Variants in SNTG1 observed in about 807,000 individuals in gnomAD.
SNTG1 encodes the protein gamma-1-syntrophin.
SNTG1 carries 39 observed loss-of-function variants against 74.7 expected under a neutral mutation model. The observed-to-expected ratio is 0.52, with a 90% confidence interval of 0.40 to 0.68. The LOEUF is 0.68. Among genes scored for constraint, SNTG1 ranks in the 30% least tolerant of loss-of-function variants. SNTG1 has a pLI of 0.00. For synonymous variants in SNTG1, 254 were observed against 217.1 expected (o/e 1.17, Z -1.49); for missense variants, 685 against 609.5 (o/e 1.12, Z -1.30).
intron 2 of SNTG1, among the ~76,000 whole-genome samples, chr8:50,204,289 A>G (rs1165994594): frequency 6.6e-6 from 1 of 152,122 alleles, no homozygotes; most frequent in African/African-American, 2.4e-5. Flanking sequence ...TGTATAGTAC[A>G]TATCTTTTTT....
At chr8:50,302,783 G>A (rs2089711282) in intron 2 of SNTG1, among the ~76,000 whole-genome samples, 1 of 152,062 alleles carries the variant, frequency 6.6e-6, no homozygotes, top group South Asian at 2.1e-4. Flanking sequence ...GCAGATACAA[G>A]CACTCTGCCC....
chr8:50,012,797 A>G (rs1045162468), intron 1 of SNTG1, among the ~76,000 whole-genome samples: 12 of 152,140 alleles, frequency 7.9e-5, no homozygotes, highest in African/African-American at 2.9e-4. Flanking sequence ...AAATGGGTTT[A>G]GGATGGACTA....
chr8:50,471,591 A>G (rs979952736), intron 8 of SNTG1, among the ~76,000 whole-genome samples: 18 of 152,316 alleles, frequency 1.2e-4, no homozygotes, highest in South Asian at 4.1e-4. Flanking sequence ...CTTAGCATAC[A>G]ATGCCACATG....
intron 4 of SNTG1, among the ~76,000 whole-genome samples, chr8:50,425,355 C>T (rs760045622): frequency 2.0e-4 from 31 of 151,364 alleles, no homozygotes; most frequent in Non-Finnish European, 3.7e-4. Context: ...ATCACATTCT[C>T]ATAGAAGCAC....
intron 1 of SNTG1, among the ~76,000 whole-genome samples, chr8:50,118,011 C>T (rs1586353617): frequency 6.6e-6 from 1 of 152,072 alleles, no homozygotes; most frequent in African/African-American, 2.4e-5. Flanking sequence ...AGACTGAGCA[C>T]CCTCCTGTTC....
intron 1 of SNTG1, among the ~76,000 whole-genome samples, chr8:49,940,365 G>C (rs1049838233): frequency 6.6e-6 from 1 of 152,128 alleles, no homozygotes; most frequent in African/African-American, 2.4e-5. Flanking sequence ...TTAGCTTAGC[G>C]AAAAAGTAGA....
chr8:50,078,318 G>T (rs1038704517), intron 1 of SNTG1, among the ~76,000 whole-genome samples: 2 of 151,978 alleles, frequency 1.3e-5, no homozygotes, highest in Non-Finnish European at 2.9e-5. Flanking sequence ...TGACAGTTAG[G>T]CTTTTATAGA....
chr8:50,481,586 G>A (rs2093741118), intron 8 of SNTG1, among the ~76,000 whole-genome samples: 1 of 152,082 alleles, frequency 6.6e-6, no homozygotes, highest in Admixed American at 6.5e-5. Context: ...AAACTTAACT[G>A]TTCTATGTTA....
chr8:50,142,975 G>A (rs2081724683), intron 1 of SNTG1, among the ~76,000 whole-genome samples: 1 of 152,058 alleles, frequency 6.6e-6, no homozygotes, highest in Non-Finnish European at 1.5e-5. Flanking sequence ...TCGGGAGGCT[G>A]AGACATGAGA....
Position 50,660,344 on chromosome 8 carries a change from G to GAA in SNTG1, c.1038+1683_1038+1684dup, listed in dbSNP as rs761298023. On this transcript the variant is annotated intron_variant, in intron 15 of 18. Coordinates refer to ENST00000642720, the MANE Select transcript of SNTG1 (RefSeq NM_018967.5). ...GAAGGAAAGAAGAAAGAAAGAAAGA[G>GAA]AAAGAAAGAAAGAAAGAGAGAGAGA... Among the ~76,000 whole-genome samples the GAA allele has an allele frequency of 1.1e-3, 136 of 120,074 alleles. 1 individual carries two copies. Among genetic ancestry groups the GAA allele is most frequent in the African/African-American group, 4.3e-3 (128 of 29,664 alleles). The allele number at this position is 120,074 out of a possible 152,430, so 78.8% of individuals were successfully genotyped here.
intron 13 of SNTG1, among the ~76,000 whole-genome samples, chr8:50,649,818 G>T (rs2095133647): frequency 6.6e-6 from 1 of 150,762 alleles, no homozygotes; most frequent in Non-Finnish European, 1.5e-5. Context: ...TATTAATTTA[G>T]GTTACTCAGT....
chr8:50,454,330 A>G (rs987278415), intron 8 of SNTG1, among the ~76,000 whole-genome samples: 14 of 151,292 alleles, frequency 9.3e-5, no homozygotes, highest in African/African-American at 3.4e-4. Flanking sequence ...TCCCATCTCT[A>G]CTAAAAATAC....
chr8:50,666,926 A>G (rs556677458), intron 15 of SNTG1, among the ~76,000 whole-genome samples: 21 of 152,076 alleles, frequency 1.4e-4, no homozygotes, highest in African/African-American at 4.1e-4. Context: ...CATACCCCAT[A>G]TTTACTTAAA....
At chr8:50,612,266 A>G (rs2094855910) in intron 13 of SNTG1, among the ~76,000 whole-genome samples, 1 of 152,152 alleles carries the variant, frequency 6.6e-6, no homozygotes, top group South Asian at 2.1e-4. Flanking sequence ...AGTGAAATAT[A>G]CAGGATCTTT....
At chr8:50,701,756 C>CTT (rs1563761853) in intron 15 of SNTG1, among the ~76,000 whole-genome samples, 68,362 of 123,620 alleles carry the variant, frequency 0.55, 17,874 homozygotes, top group East Asian at 0.69. Flanking sequence ...TCCTTCTTCT[C>CTT]CTTCTTCTTC....
At chr8:50,647,504 A>G (rs144101259) in intron 13 of SNTG1, among the ~76,000 whole-genome samples, 5 of 152,080 alleles carry the variant, frequency 3.3e-5, no homozygotes, top group African/African-American at 1.2e-4. Flanking sequence ...AATCAGTTTC[A>G]TTCTGTTGGG....
At chr8:50,652,616 G>C (rs1014793308) in intron 13 of SNTG1, among the ~76,000 whole-genome samples, 1 of 152,040 alleles carries the variant, frequency 6.6e-6, no homozygotes, top group East Asian at 1.9e-4. Flanking sequence ...GGCCAACATG[G>C]TGAAAACCCG....
intron 8 of SNTG1, among the ~76,000 whole-genome samples, chr8:50,460,699 A>T (rs1277896362): frequency 6.6e-6 from 1 of 152,142 alleles, no homozygotes; most frequent in Non-Finnish European, 1.5e-5. Context: ...TTTCTTCCGC[A>T]TATGACTAGC....
At chr8:50,560,795 G>C (rs1222923704) in intron 12 of SNTG1, among the ~76,000 whole-genome samples, 1 of 151,874 alleles carries the variant, frequency 6.6e-6, no homozygotes, top group Non-Finnish European at 1.5e-5. Context: ...GGTTTATCTG[G>C]GCAGCAAACC....
Sources: allele counts gnomAD v4.1 joint callset (sites outside exome capture counted in the v4.1 genomes callset), GRCh38; gene constraint gnomAD v4.1.1; transcripts MANE v1.5; gene names NCBI Gene and HGNC (gene_info 2026-07-23, HGNC 2026-07-21).